Variants in MTHFS observed in about 807,000 individuals in gnomAD.
MTHFS encodes 5-formyltetrahydrofolate cyclo-ligase.
In MTHFS, 7 loss-of-function variants were observed where a neutral mutation model predicts 12.7. The observed-to-expected ratio is 0.55, with a 90% CI of 0.31 to 1.03. The LOEUF (loss-of-function observed/expected upper bound fraction) is 1.03, where lower values mean the gene tolerates loss of function less well. Among genes scored for constraint, MTHFS ranks in the 50% least tolerant of loss-of-function variants. MTHFS has a pLI of 0.05. For synonymous variants in MTHFS, 100 were observed against 97.1 expected (o/e 1.03, Z -0.18); for missense variants, 252 against 258.1 (o/e 0.98, Z 0.16).
At chr15:79,896,703 C>T in intron 1 of MTHFS, 169 bp downstream of exon 1, 3 of 1,250,494 alleles carry the variant, frequency 2.4e-6, no homozygotes, top group Non-Finnish European at 2.1e-6. Context: ...AGCGTCCAGA[C>T]CACGACTAGG....
At chr15:79,868,806 C>T (rs1230341084) in intron 2 of MTHFS, among the ~76,000 whole-genome samples, 2 of 152,212 alleles carry the variant, frequency 1.3e-5, no homozygotes, top group Non-Finnish European at 2.9e-5. Context: ...AGACAGCAGA[C>T]TTTGAGACTT....
intron 2 of MTHFS, among the ~76,000 whole-genome samples, chr15:79,863,699 T>C (rs929484215): frequency 6.6e-6 from 1 of 152,124 alleles, no homozygotes; most frequent in African/African-American, 2.4e-5. Flanking sequence ...CCCAACACCC[T>C]CTCTTTCCTC....
In MTHFS at chr15:79,844,398, A is replaced by G. The variant is rs1241624246; in HGVS notation, c.*812T>C. 1 of 152,414 alleles carries G rather than the reference A, an allele frequency of 6.6e-6. No homozygotes were observed. The highest frequency in any genetic ancestry group is 1.5e-5 in the Non-Finnish European group (1 of 68,026). 9.4% of individuals were successfully genotyped at this position (152,414 alleles called of 1,614,324 possible). A position where few individuals can be genotyped will look rare whatever the true frequency, so the allele number is the denominator to read the frequency against. On this transcript the variant is annotated 3_prime_UTR_variant, in exon 3 of 3. Coordinates refer to ENST00000258874, the MANE Select transcript of MTHFS (RefSeq NM_006441.4). ...AACAAGACCTGGTGACAGGATGGACATGGAGTGTGAGTAAGAGAGCCACGT... is the reference window on the plus strand; with the variant it reads ...AACAAGACCTGGTGACAGGATGGACGTGGAGTGTGAGTAAGAGAGCCACGT...
At chr15:79,869,003 G>A (rs1359683866) in intron 2 of MTHFS, among the ~76,000 whole-genome samples, 3 of 152,144 alleles carry the variant, frequency 2.0e-5, no homozygotes, top group South Asian at 2.1e-4. Context: ...AAAAAACGGT[G>A]AGTGTTGGTA....
intron 2 of MTHFS, among the ~76,000 whole-genome samples, chr15:79,875,062 C>T (rs974054813): frequency 1.3e-5 from 2 of 152,132 alleles, no homozygotes; most frequent in South Asian, 2.1e-4. Flanking sequence ...CATAGGAAAT[C>T]ACAAGAGTAT....
intron 2 of MTHFS, among the ~76,000 whole-genome samples, 158 bp downstream of exon 2, chr15:79,888,935 C>T (rs996749940): frequency 2.0e-5 from 3 of 152,210 alleles, no homozygotes; most frequent in Non-Finnish European, 4.4e-5. Context: ...AAAGGCATCA[C>T]ATCCTAAACC....
chr15:79,895,323 A>G (rs2034549344), intron 1 of MTHFS, among the ~76,000 whole-genome samples: 1 of 152,114 alleles, frequency 6.6e-6, no homozygotes, highest in South Asian at 2.1e-4. Flanking sequence ...CATCTCAAAC[A>G]TTTTCCAATA....
chr15:79,882,943 C>T (rs1227813717), intron 2 of MTHFS, among the ~76,000 whole-genome samples: 1 of 152,272 alleles, frequency 6.6e-6, no homozygotes, highest in Non-Finnish European at 1.5e-5. Context: ...CAGTGGCTCA[C>T]GCCTATAATC....
chr15:79,863,157 C>T (rs1429468897), intron 2 of MTHFS, among the ~76,000 whole-genome samples: 1 of 152,186 alleles, frequency 6.6e-6, no homozygotes, highest in Non-Finnish European at 1.5e-5. Context: ...ACTCTACATG[C>T]TGCATATGTC....
intron 1 of MTHFS, among the ~76,000 whole-genome samples, chr15:79,891,850 C>T (rs2034477023): frequency 1.3e-5 from 2 of 151,438 alleles, no homozygotes; most frequent in South Asian, 4.2e-4. Flanking sequence ...TGCCTGTAGT[C>T]CCAGCTACTT....
At chr15:79,895,088 T>C (rs1387942614) in intron 1 of MTHFS, among the ~76,000 whole-genome samples, 1 of 152,208 alleles carries the variant, frequency 6.6e-6, no homozygotes, top group Non-Finnish European at 1.5e-5. Flanking sequence ...ACAAGAGTGA[T>C]ATTATCCATT....
At chr15:79,891,733 G>A (rs191408122) in intron 1 of MTHFS, among the ~76,000 whole-genome samples, 1 of 152,136 alleles carries the variant, frequency 6.6e-6, no homozygotes, top group Non-Finnish European at 1.5e-5. Context: ...TTAGGGAGGT[G>A]GAGGCGGGTA....
intron 1 of MTHFS, among the ~76,000 whole-genome samples, chr15:79,893,105 T>G (rs1044086146): frequency 1.3e-5 from 2 of 152,008 alleles, no homozygotes; most frequent in African/African-American, 4.8e-5. Flanking sequence ...AGAACAAAGT[T>G]TAAATATTAC....
intron 2 of MTHFS, among the ~76,000 whole-genome samples, chr15:79,882,070 T>TCA (rs1456855352): frequency 6.6e-6 from 1 of 152,186 alleles, no homozygotes; most frequent in Non-Finnish European, 1.5e-5. Context: ...ACAATTGCTT[T>TCA]CATTTACTTT....
Position 79,845,248 on chromosome 15 carries a change from C to T in MTHFS, c.574G>A (p.Val192Ile), listed in dbSNP as rs1308816045. ...QVPVNENDMK[V>I]DEVLYEDSST... ...GAGTCTTCGTAAAGGACTTCATCTA[C>T]CTTCATGTCGTTTTCATTCACTGGG... The change falls in exon 3 of 3, where the codon GTA becomes ATA. Residue 192 changes from valine to isoleucine, a missense_variant. Transcript: ENST00000258874. The T allele has an allele frequency of 3.7e-6, 6 of 1,614,160 alleles. No individual in the cohort carries two copies. The highest frequency in any genetic ancestry group is 4.2e-6 in the Non-Finnish European group (5 of 1,180,026).
chr15:79,855,374 T>A (rs767831918), intron 2 of MTHFS, among the ~76,000 whole-genome samples: 1 of 152,184 alleles, frequency 6.6e-6, no homozygotes, highest in Non-Finnish European at 1.5e-5. Flanking sequence ...GGCATCTGAG[T>A]TGTTGATAAT....
At chr15:79,862,117 T>G (rs371035578) in intron 2 of MTHFS, among the ~76,000 whole-genome samples, 2 of 152,122 alleles carry the variant, frequency 1.3e-5, no homozygotes, top group South Asian at 4.1e-4. Flanking sequence ...TAGACTAAGA[T>G]GAAGTACAGT....
intron 2 of MTHFS, among the ~76,000 whole-genome samples, chr15:79,869,646 C>T (rs1254383495): frequency 6.6e-6 from 1 of 152,108 alleles, no homozygotes; most frequent in Non-Finnish European, 1.5e-5. Context: ...GTTTCCCAGG[C>T]TAGTCTTAAA....
At chr15:79,881,450 T>C (rs1056247471) in intron 2 of MTHFS, among the ~76,000 whole-genome samples, 3 of 152,032 alleles carry the variant, frequency 2.0e-5, no homozygotes, top group Non-Finnish European at 2.9e-5. Context: ...AAAGATAAAA[T>C]AGACAATTCT....
Sources: allele counts gnomAD v4.1 joint callset (sites outside exome capture counted in the v4.1 genomes callset), GRCh38; gene constraint gnomAD v4.1.1; transcripts MANE v1.5; gene names NCBI Gene and HGNC (gene_info 2026-07-23, HGNC 2026-07-21).